C1orf198: variants seen among roughly 807,000 people sequenced by gnomAD.
C1orf198 encodes uncharacterized protein C1orf198.
In C1orf198, 17 loss-of-function variants were observed where a neutral mutation model predicts 31.4. That is an observed-to-expected ratio of 0.54 (90% CI 0.37 to 0.81). The LOEUF (loss-of-function observed/expected upper bound fraction) is 0.81. Among genes scored for constraint, C1orf198 ranks in the 40% least tolerant of loss-of-function variants. The pLI is 0.00. For missense variants in C1orf198, 401 were observed against 450.3 expected (o/e 0.89, Z 0.99); for synonymous variants, 175 against 193.8 (o/e 0.90, Z 0.81).
At chr1:230,864,435 A>C (rs1352247969) in intron 1 of C1orf198, among the ~76,000 whole-genome samples, 1 of 152,178 alleles carries the variant, frequency 6.6e-6, no homozygotes, top group Non-Finnish European at 1.5e-5. Flanking sequence ...CAGAAAAGGA[A>C]GCTAAGGCCA....
At position 230,843,264 on chromosome 1, in the gene C1orf198, T is replaced by C; in HGVS notation, c.927+90A>G. On this transcript the variant is annotated intron_variant, in intron 3 of 3. Transcript: ENST00000366663. The surrounding 1 kb of genome is among the most constrained non-coding windows in gnomAD (Gnocchi z 4.9). ...GGAGAAGAAAAAGAGCATGGGCACC[T>C]GTGGCCTGCCTGCTTTGTGGGGGAC... 4.9e-6 allele frequency: 7 copies of C among 1,432,624 alleles called. No homozygotes were observed. The highest frequency in any genetic ancestry group is 6.6e-6 in the Non-Finnish European group (7 of 1,066,952). The allele number at this position is 1,432,624 out of a possible 1,614,324, so 88.7% of individuals were successfully genotyped here.
upstream of C1orf198, chr1:230,868,756 C>T (rs1455115344): frequency 5.6e-6 from 1 of 179,202 alleles, no homozygotes; most frequent in Non-Finnish European, 1.1e-5. Flanking sequence ...ACGAGTCCCC[C>T]TTTACGCCTC....
rs777159565 is a variant in C1orf198, at chr1:230,839,880, G to A, written c.956C>T (p.Thr319Met). Residue 319 changes from threonine to methionine, a missense_variant, in exon 4 of 4, where the codon ACG (threonine) becomes ATG (methionine). By Grantham distance (81) the Thr-to-Met change is moderately conservative. Coordinates refer to ENST00000366663, the MANE Select transcript of C1orf198 (RefSeq NM_032800.3). ...CCAATTGTCCAGAAAATCAAATCCC[G>A]TCTTCAAGACGACATTACTTGAGCT... ...QVSSSNVVLK[T>M]GFDFLDNW is the part of the protein sequence containing the mutation. 22 of 1,609,770 alleles carry A rather than the reference G, an allele frequency of 1.4e-5. No individual in the cohort carries two copies. Among genetic ancestry groups the A allele is most frequent in the South Asian group, 6.7e-5 (6 of 89,630 alleles).
Position 230,855,571 on chromosome 1 carries a change from G to A in C1orf198, c.384+97C>T, listed in dbSNP as rs1012695138. ...CATCCCCTGCAGCCTGGCAGTCAGG[G>A]GGCTGTCTTCTGAGTCCATCAAATG... On this transcript the variant is annotated intron_variant, in intron 2 of 3. Transcript: ENST00000366663. 2.2e-6 allele frequency: 3 copies of A among 1,334,026 alleles called. No homozygotes were observed. In the African/African-American group the frequency reaches 4.4e-5, roughly 20 times the overall value. 82.6% of individuals were successfully genotyped at this position (1,334,026 alleles called of 1,614,324 possible).
At chr1:230,853,662 C>G (rs935963897) in intron 2 of C1orf198, among the ~76,000 whole-genome samples, 1 of 152,154 alleles carries the variant, frequency 6.6e-6, no homozygotes, top group Non-Finnish European at 1.5e-5. Flanking sequence ...GTGAAACAAA[C>G]TGGAACTCTA....
intron 1 of C1orf198, among the ~76,000 whole-genome samples, chr1:230,865,597 G>C (rs1176675350): frequency 6.6e-6 from 1 of 152,178 alleles, no homozygotes; most frequent in African/African-American, 2.4e-5. Context: ...CTTCCCTGAG[G>C]AGAACCAGGT....
upstream of C1orf198, chr1:230,868,637 G>A: frequency 2.6e-6 from 2 of 782,078 alleles, no homozygotes; most frequent in Non-Finnish European, 3.2e-6. Flanking sequence ...GCGTACCCGG[G>A]TCTCCAAGCC....
At chr1:230,849,392 G>C (rs1669679302) in intron 2 of C1orf198, among the ~76,000 whole-genome samples, 1 of 152,186 alleles carries the variant, frequency 6.6e-6, no homozygotes, top group African/African-American at 2.4e-5. Context: ...GCAACTTAGT[G>C]GTCTTCTATA....
chr1:230,861,098 A>C (rs1277966723), intron 1 of C1orf198, among the ~76,000 whole-genome samples: 1 of 152,204 alleles, frequency 6.6e-6, no homozygotes, highest in Non-Finnish European at 1.5e-5. Context: ...TGGCACACAG[A>C]GGATTTCTGT....
rs898185532 is a variant in C1orf198 at position 230,837,904 on chromosome 1, T to G, written c.*1948A>C. ...GAAGAACTTGGAGGGAATATTGGGC[T>G]TGTTGAGAAAGTGGGAAAGAAATTA... is the stretch of plus-strand genomic sequence containing the variant. On this transcript the variant is annotated 3_prime_UTR_variant, in exon 4 of 4. Transcript: ENST00000366663. The G allele has an allele frequency of 6.6e-6, 1 of 152,190 alleles. No homozygotes were observed. The highest frequency in any genetic ancestry group is 1.5e-5 in the Non-Finnish European group (1 of 68,038). 9.4% of individuals were successfully genotyped at this position (152,190 alleles called of 1,614,324 possible).
chr1:230,841,736 T>C (rs1407756356), intron 3 of C1orf198, among the ~76,000 whole-genome samples: 1 of 152,144 alleles, frequency 6.6e-6, no homozygotes, highest in African/African-American at 2.4e-5. Flanking sequence ...TTCAAAAAAG[T>C]AGAAATAGAA....
At chr1:230,856,354 C>T (rs1354639459) in intron 1 of C1orf198, among the ~76,000 whole-genome samples, 3 of 151,846 alleles carry the variant, frequency 2.0e-5, no homozygotes, top group Non-Finnish European at 2.9e-5. Flanking sequence ...TCACTCCCCA[C>T]CCCCACCAAA....
intron 1 of C1orf198, among the ~76,000 whole-genome samples, chr1:230,865,988 T>C (rs1167540985): frequency 6.6e-6 from 1 of 152,154 alleles, no homozygotes; most frequent in African/African-American, 2.4e-5. Context: ...AGAAGACTGA[T>C]CAAGTGGGAA....
Position 230,860,840 on chromosome 1 carries a change from G to A in C1orf198, c.334-5122C>T, listed in dbSNP as rs1669989606. Reference sequence around the variant, plus strand: ...GCACAACATTGAGACTGTACTAAATGCCTCGGACTATACACAGAAAAGTGG... The same window carrying A: ...GCACAACATTGAGACTGTACTAAATACCTCGGACTATACACAGAAAAGTGG... On this transcript the variant is annotated intron_variant, in intron 1 of 3. Coordinates refer to ENST00000366663, the MANE Select transcript of C1orf198 (RefSeq NM_032800.3). Among the ~76,000 whole-genome samples, 6 of 152,286 alleles carry A rather than the reference G, an allele frequency of 3.9e-5. No homozygotes were observed. The South Asian group carries it at 1.2e-3, about 32-fold the overall frequency.
chr1:230,859,201 T>C (rs1669948116), intron 1 of C1orf198, among the ~76,000 whole-genome samples: 1 of 152,232 alleles, frequency 6.6e-6, no homozygotes, highest in Admixed American at 6.5e-5. Context: ...GCAAATGGAA[T>C]CAGAATTGCA....
chr1:230,851,501 G>A (rs1014653958), intron 2 of C1orf198, among the ~76,000 whole-genome samples: 8 of 152,208 alleles, frequency 5.3e-5, no homozygotes, highest in Non-Finnish European at 1.2e-4. Context: ...GCCTCCTCCT[G>A]TCTGGAGCCT....
rs12030620 is a variant in C1orf198, at chr1:230,840,367, C to G, written c.928-459G>C. On this transcript the variant is annotated intron_variant, in intron 3 of 3. Transcript: ENST00000366663. This position sits in a 1 kb window ranked among gnomAD's most constrained non-coding sequence, Gnocchi z 4.0. ...AACATAGTGTGGAAAGAATGTGAAG[C>G]TTATTTCTTTCAGATCTTGTGAAAG... 2.1e-3 allele frequency among the ~76,000 whole-genome samples: 316 copies of G among 152,298 alleles called. 3 individuals are homozygous for G. In the East Asian group the frequency reaches 0.051, roughly 25 times the overall value.
chr1:230,839,857 A>T lies in C1orf198; in HGVS notation c.979T>A (p.Trp327Arg). ...LKTGFDFLDN[W>R] ...TTGTATTTTTCTAATACATTTTACC[A>T]ATTGTCCAGAAAATCAAATCCCGTC... Residue 327 changes from tryptophan to arginine, a missense_variant, in exon 4 of 4, where the codon TGG becomes AGG. By Grantham distance (101) the Trp-to-Arg change is moderately radical. Coordinates refer to ENST00000366663, the MANE Select transcript of C1orf198 (RefSeq NM_032800.3). 1 of 1,611,194 alleles carries T rather than the reference A, an allele frequency of 6.2e-7. No homozygotes were observed. Among genetic ancestry groups the T allele is most frequent in the Non-Finnish European group, 8.5e-7 (1 of 1,179,158 alleles).
intron 1 of C1orf198, among the ~76,000 whole-genome samples, chr1:230,856,534 G>C (rs1327746805): frequency 1.3e-5 from 2 of 152,142 alleles, no homozygotes; most frequent in Admixed American, 1.3e-4. Flanking sequence ...TCTGTGTCCA[G>C]CTTCGATTGG....
Sources: gnomAD v4.1 joint callset for allele counts (sites outside exome capture counted in the v4.1 genomes callset) on GRCh38, gnomAD v4.1.1 for gene constraint, Gnocchi (gnomAD v3.1) non-coding constraint, MANE v1.5 for transcripts, NCBI Gene and HGNC (gene_info 2026-07-23, HGNC 2026-07-21) for gene names.